SARS1: variants seen among roughly 807,000 people sequenced by gnomAD.
The protein encoded by SARS1 is serine--tRNA ligase, cytoplasmic.
Under a neutral mutation model 63.7 loss-of-function variants are expected in SARS1, and 25 were observed. That is an observed-to-expected ratio of 0.39 (90% confidence interval 0.29 to 0.55). SARS1 has a LOEUF of 0.55. SARS1 is among the 20% of genes least tolerant of loss of function. The pLI is 0.62. For missense variants in SARS1, 417 were observed against 649.7 expected (o/e 0.64, Z 3.89); for synonymous variants, 231 against 243.5 (o/e 0.95, Z 0.48).
chr1:109,228,243 G>A, intron 2 of SARS1, 109 bp from the exon 3 acceptor site: 1 of 819,512 alleles, frequency 1.2e-6, no homozygotes, highest in East Asian at 2.8e-5. Flanking sequence ...ATTTATGTAA[G>A]AAGTTCTGTG....
At chr1:109,219,778 G>C (rs549122565) in intron 1 of SARS1, among the ~76,000 whole-genome samples, 1 of 152,260 alleles carries the variant, frequency 6.6e-6, no homozygotes, top group Admixed American at 6.5e-5. Context: ...CTCCCAAAAT[G>C]CTGGGATTAC....
In SARS1 at chr1:109,235,083, C is replaced by T. The variant is rs1655281536; in HGVS notation, c.748-127C>T. 3 of 727,876 alleles carry T rather than the reference C, an allele frequency of 4.1e-6. No homozygotes were observed. The highest frequency in any genetic ancestry group is 4.0e-5 in the Admixed American group (2 of 50,008). 45.1% of individuals were successfully genotyped at this position (727,876 alleles called of 1,614,324 possible). A position where few individuals can be genotyped will look rare whatever the true frequency, so the allele number is the denominator to read the frequency against. On this transcript the variant is annotated intron_variant, in intron 6 of 10. Transcript: ENST00000234677. The surrounding 1 kb of genome is among the most constrained non-coding windows in gnomAD (Gnocchi z 4.7). ...TCCTTTATCTTTTTAGTATTCTCTC[C>T]CCACTCCCAGGCAGGGATTAAAGGA...
In SARS1 at chr1:109,231,048, G is replaced by C. The variant is rs192580712; in HGVS notation, c.591+27G>C. 2.7e-4 allele frequency: 363 copies of C among 1,339,622 alleles called. No homozygotes were observed. In the African/African-American group the frequency reaches 4.9e-3, roughly 18 times the overall value. The allele number at this position is 1,339,622 out of a possible 1,614,324, so 83.0% of individuals were successfully genotyped here. ...TAAGAGCTGGGAACCAGTGAGGATA[G>C]GATTATGAAAAAGAAACAAAATATA... On this transcript the variant is annotated intron_variant, in intron 5 of 10. Transcript: ENST00000234677.
intron 6 of SARS1, among the ~76,000 whole-genome samples, chr1:109,234,584 G>T (rs1035571987): frequency 6.6e-6 from 1 of 152,184 alleles, no homozygotes; most frequent in African/African-American, 2.4e-5. Context: ...GTCTCACAAG[G>T]ATTAATGTAT....
intron 1 of SARS1, among the ~76,000 whole-genome samples, chr1:109,222,718 G>C (rs1654976824): frequency 6.6e-6 from 1 of 152,146 alleles, no homozygotes; most frequent in Admixed American, 6.5e-5. Context: ...CCTCTTAAAA[G>C]CTTGAGTTTG....
chr1:109,229,180 T>G (rs1655152154), intron 3 of SARS1, among the ~76,000 whole-genome samples: 1 of 152,160 alleles, frequency 6.6e-6, no homozygotes, highest in Non-Finnish European at 1.5e-5. Flanking sequence ...GCCAGAACTA[T>G]CTATCTCTGC....
rs947017213 is a variant in SARS1 at position 109,226,834 on chromosome 1, C to T, written c.208-1518C>T. Among the ~76,000 whole-genome samples the T allele has an allele frequency of 7.1e-4, 107 of 150,266 alleles. 1 individual carries two copies. The highest frequency in any genetic ancestry group is 5.7e-3 in the Admixed American group (85 of 15,000). Reference sequence around the variant, plus strand: ...TCCTGGGCTAAAGTGATCTGCCCACCTCAGCCTACCATGTAGCTGGGATTA... The same window carrying T: ...TCCTGGGCTAAAGTGATCTGCCCACTTCAGCCTACCATGTAGCTGGGATTA... On this transcript the variant is annotated intron_variant, in intron 2 of 10. Transcript: ENST00000234677.
chr1:109,223,661 G>A (rs745745297), intron 1 of SARS1, among the ~76,000 whole-genome samples: 1 of 152,174 alleles, frequency 6.6e-6, no homozygotes, highest in Non-Finnish European at 1.5e-5. Flanking sequence ...AAAATTAGCC[G>A]AGTGTGGTGG....
At chr1:109,227,396 CG>C (rs1243187403) in intron 2 of SARS1, among the ~76,000 whole-genome samples, 3 of 152,148 alleles carry the variant, frequency 2.0e-5, no homozygotes, top group Non-Finnish European at 4.4e-5. Context: ...AATTATCATA[CG>C]GAAGGATGAG....
chr1:109,227,471 T>C (rs1320475099), intron 2 of SARS1, among the ~76,000 whole-genome samples: 2 of 152,324 alleles, frequency 1.3e-5, no homozygotes, highest in East Asian at 3.9e-4. Context: ...TCAAATTACA[T>C]TGATTGTTCT....
At position 109,235,495 on chromosome 1, in the gene SARS1, A is replaced by G. The variant is rs1655289839; in HGVS notation, c.969+64A>G. The G allele has an allele frequency of 7.5e-7, 1 of 1,336,540 alleles. No individual in the cohort carries two copies. Among genetic ancestry groups the G allele is most frequent in the South Asian group, 1.2e-5 (1 of 80,604 alleles). The allele number at this position is 1,336,540 out of a possible 1,614,324, so 82.8% of individuals were successfully genotyped here. On this transcript the variant is annotated intron_variant, in intron 7 of 10. Transcript: ENST00000234677. This position sits in a 1 kb window ranked among gnomAD's most constrained non-coding sequence, Gnocchi z 4.7. ...TGTCTCCAGAATGGTTAGATGAGAG[A>G]TAGGATCTGTGTTGCTGAGGCCCAT...
intron 1 of SARS1, among the ~76,000 whole-genome samples, chr1:109,217,466 AT>A (rs1344448554): frequency 5.9e-5 from 9 of 151,718 alleles, no homozygotes; most frequent in African/African-American, 1.5e-4. Context: ...AATATAAAAA[AT>A]ATAAAGAGAA....
chr1:109,220,319 G>C (rs1654902020), intron 1 of SARS1, among the ~76,000 whole-genome samples: 2 of 152,242 alleles, frequency 1.3e-5, no homozygotes, highest in Non-Finnish European at 1.5e-5. Flanking sequence ...TGGTTGTAAT[G>C]ATTGATATTC....
At chr1:109,227,066 G>C (rs1420514444) in intron 2 of SARS1, among the ~76,000 whole-genome samples, 2 of 146,810 alleles carry the variant, frequency 1.4e-5, no homozygotes, top group African/African-American at 5.1e-5. Context: ...TGTGATCTCA[G>C]CTCACTGCAA....
At chr1:109,225,592 C>T (rs761306529) in intron 2 of SARS1, among the ~76,000 whole-genome samples, 24 of 152,138 alleles carry the variant, frequency 1.6e-4, no homozygotes, top group Admixed American at 3.3e-4. Context: ...CTCCCACTGC[C>T]ATTGAAATGG....
intron 1 of SARS1, among the ~76,000 whole-genome samples, chr1:109,221,960 T>TTTTTTTTGTG (rs771565091): frequency 4.0e-4 from 4 of 10,078 alleles, no homozygotes; most frequent in African/African-American, 5.8e-4. Context: ...GCTAATTTTT[T>TTTTTTTTGTG]TGTGTGTGTG....
chr1:109,228,235 T>G (rs1655133630), intron 2 of SARS1, 117 bp from the exon 3 acceptor site: 1 of 790,862 alleles, frequency 1.3e-6, no homozygotes. Flanking sequence ...TTAGAAAAAT[T>G]TATGTAAGAA....
intron 2 of SARS1, among the ~76,000 whole-genome samples, chr1:109,226,093 AG>A (rs1401364189): frequency 6.6e-6 from 1 of 151,028 alleles, no homozygotes; most frequent in Non-Finnish European, 1.5e-5. Flanking sequence ...CCTGGGCTCA[AG>A]CAGCCCTCCT....
In SARS1 at chr1:109,216,917, C is replaced by T. The variant is rs1302822834; in HGVS notation, c.136+2789C>T. The T allele has an allele frequency of 4.1e-6, 4 of 985,206 alleles. No homozygotes were observed. In the African/African-American group the frequency reaches 5.2e-5, roughly 13 times the overall value. 61.0% of individuals were successfully genotyped at this position (985,206 alleles called of 1,614,324 possible). ...GGATTACAGGCATGAGTCACCATGC[C>T]CAGGCTAAAGCTGTTATTTCCTCAT... is the stretch of plus-strand genomic sequence containing the variant. On this transcript the variant is annotated intron_variant, in intron 1 of 10. Coordinates refer to ENST00000234677, the MANE Select transcript of SARS1 (RefSeq NM_006513.4).
Sources: gnomAD v4.1 joint callset for allele counts (sites outside exome capture counted in the v4.1 genomes callset) on GRCh38, gnomAD v4.1.1 for gene constraint, Gnocchi (gnomAD v3.1) non-coding constraint, MANE v1.5 for transcripts, NCBI Gene and HGNC (gene_info 2026-07-23, HGNC 2026-07-21) for gene names.